Variants in TPD52L2 observed in about 807,000 individuals in gnomAD.
TPD52L2 encodes TPD52 like 2, also known as tumor protein D54.
Under a neutral mutation model 24.7 loss-of-function variants are expected in TPD52L2, and 19 were observed. That is an observed-to-expected ratio of 0.77 (90% CI 0.54 to 1.13). The LOEUF (loss-of-function observed/expected upper bound fraction) is 1.13, where lower values mean the gene tolerates loss of function less well. TPD52L2 is among the 50% of genes most tolerant of loss of function. TPD52L2 has a pLI of 0.00. For synonymous variants in TPD52L2, 104 were observed against 100.2 expected (o/e 1.04, Z -0.23); for missense variants, 236 against 250.4 (o/e 0.94, Z 0.39).
At chr20:63,872,878 T>C (rs1201451830) in intron 2 of TPD52L2, among the ~76,000 whole-genome samples, 1 of 151,946 alleles carries the variant, frequency 6.6e-6, no homozygotes, top group Non-Finnish European at 1.5e-5. Flanking sequence ...TAATTTTTTG[T>C]ATTTTTTAGT....
chr20:63,874,024 TTTTA>T (rs2052566199), intron 3 of TPD52L2, among the ~76,000 whole-genome samples: 1 of 151,976 alleles, frequency 6.6e-6, no homozygotes, highest in Non-Finnish European at 1.5e-5. Flanking sequence ...TCTACATGTG[TTTTA>T]TTTATTTTTA....
rs75733902 is a variant in TPD52L2, at chr20:63,881,947, C to T, written c.375-772C>T. Reference sequence around the variant, plus strand: ...TGCTGCCCTTTGCCTGTCCTGCAGACGCCAAGGCCCTAGAGCTTTGCTTTG... The same window carrying T: ...TGCTGCCCTTTGCCTGTCCTGCAGATGCCAAGGCCCTAGAGCTTTGCTTTG... On this transcript the variant is annotated intron_variant, in intron 4 of 6. Transcript: ENST00000346249. 7.6e-3 allele frequency among the ~76,000 whole-genome samples: 1,163 copies of T among 152,278 alleles called. 52 individuals carry two copies. The East Asian group carries it at 0.12, about 15-fold the overall frequency.
intron 4 of TPD52L2, among the ~76,000 whole-genome samples, chr20:63,879,712 A>G (rs1390498498): frequency 1.4e-5 from 2 of 139,378 alleles, no homozygotes; most frequent in Non-Finnish European, 3.1e-5. Context: ...GCACAAATGC[A>G]GGTGCAGCTT....
Sources: allele counts gnomAD v4.1 joint callset (sites outside exome capture counted in the v4.1 genomes callset), GRCh38; gene constraint gnomAD v4.1.1; transcripts MANE v1.5; gene names NCBI Gene and HGNC (gene_info 2026-07-23, HGNC 2026-07-21).